Variants in MCU observed in about 807,000 individuals in gnomAD.
The protein encoded by MCU is calcium uniporter protein, mitochondrial.
A neutral mutation model predicts 45.2 loss-of-function variants in MCU; 12 were observed. The ratio of observed to expected loss-of-function variants is 0.27; its 90% CI spans 0.17 to 0.43. The LOEUF is 0.43. Among genes scored for constraint, MCU ranks in the 20% least tolerant of loss-of-function variants. MCU has a pLI of 1.00. For synonymous variants in MCU, 160 were observed against 165.1 expected (o/e 0.97, Z 0.24); for missense variants, 324 against 436.7 (o/e 0.74, Z 2.30).
chr10:72,829,043 G>A (rs541430794), intron 1 of MCU, among the ~76,000 whole-genome samples: 77 of 152,262 alleles, frequency 5.1e-4, no homozygotes, highest in African/African-American at 1.8e-3. Flanking sequence ...TAGGGAGGCC[G>A]GGCGCCTTGG....
intron 1 of MCU, among the ~76,000 whole-genome samples, chr10:72,712,121 CTA>C (rs1243497967): frequency 6.6e-6 from 1 of 152,044 alleles, no homozygotes; most frequent in Non-Finnish European, 1.5e-5. Flanking sequence ...GTTTCTGTCT[CTA>C]TTTCATATAT....
At chr10:72,763,890 G>A (rs993488051) in intron 1 of MCU, among the ~76,000 whole-genome samples, 1 of 152,038 alleles carries the variant, frequency 6.6e-6, no homozygotes, top group Non-Finnish European at 1.5e-5. Flanking sequence ...GAGGTGTAAG[G>A]TAATATTAAT....
chr10:72,887,334 C>T lies in MCU; in HGVS notation c.*1512C>T, dbSNP rs1426811774. 1 of 152,792 alleles carries T rather than the reference C, an allele frequency of 6.5e-6. No individual in the cohort carries two copies. Among genetic ancestry groups the T allele is most frequent in the Non-Finnish European group, 1.5e-5 (1 of 68,058 alleles). The allele number at this position is 152,792 out of a possible 1,614,324, so 9.5% of individuals were successfully genotyped here. A position where few individuals can be genotyped will look rare whatever the true frequency, so the allele number is the denominator to read the frequency against. ...GCTGCTGCTACTCCTGCCAACACCC[C>T]TTTCATTGGCATGACGGAATGAAAG... On this transcript the variant is annotated 3_prime_UTR_variant, in exon 8 of 8. Coordinates refer to ENST00000373053, the MANE Select transcript of MCU (RefSeq NM_138357.3).
chr10:72,726,153 G>A (rs1013034160), intron 1 of MCU, among the ~76,000 whole-genome samples: 1 of 151,934 alleles, frequency 6.6e-6, no homozygotes, highest in Non-Finnish European at 1.5e-5. Context: ...TCCCACCTCA[G>A]CCTCTGGAGT....
At chr10:72,693,203 A>T (rs1842647423) in intron 1 of MCU, 32 of 865,624 alleles carry the variant, frequency 3.7e-5, no homozygotes, top group Non-Finnish European at 4.4e-5. Flanking sequence ...TGTGTGTGAG[A>T]GAGAGAGAGA....
chr10:72,810,040 G>A (rs890696565), intron 1 of MCU, among the ~76,000 whole-genome samples: 10 of 151,740 alleles, frequency 6.6e-5, no homozygotes, highest in Admixed American at 1.3e-4. Context: ...GTGTGCGCGT[G>A]AACATATGTG....
chr10:72,853,715 A>G (rs1199521245), intron 2 of MCU, among the ~76,000 whole-genome samples: 14 of 152,198 alleles, frequency 9.2e-5, no homozygotes, highest in Admixed American at 7.9e-4. Flanking sequence ...TAAAAGGAAA[A>G]TGTTGAAAAG....
At chr10:72,763,601 G>A (rs1190330793) in intron 1 of MCU, among the ~76,000 whole-genome samples, 2 of 152,128 alleles carry the variant, frequency 1.3e-5, no homozygotes, top group African/African-American at 2.4e-5. Flanking sequence ...GTTTGATTAT[G>A]GTGGGACTTT....
Position 72,733,828 on chromosome 10 carries a change from T to G in MCU, c.150+41527T>G, listed in dbSNP as rs1589436865. Reference sequence around the variant, plus strand: ...ATAAAGTAAACCTGGGCCTGCTTTTTTTGTTTGTTTGTTTTAAAGAATTAA... The same window carrying G: ...ATAAAGTAAACCTGGGCCTGCTTTTGTTGTTTGTTTGTTTTAAAGAATTAA... On this transcript the variant is annotated intron_variant, in intron 1 of 7. Transcript: ENST00000373053. Among the ~76,000 whole-genome samples, 4 of 151,818 alleles carry G rather than the reference T, an allele frequency of 2.6e-5. 1 individual carries two copies. In the South Asian group the frequency reaches 8.3e-4, roughly 32 times the overall value.
chr10:72,703,126 G>T (rs1007109850), intron 1 of MCU, among the ~76,000 whole-genome samples: 9 of 152,210 alleles, frequency 5.9e-5, no homozygotes, highest in Non-Finnish European at 1.2e-4. Context: ...TGTTACAACT[G>T]GAGTATGCGC....
chr10:72,861,999 T>G (rs926193431), intron 4 of MCU, among the ~76,000 whole-genome samples: 1 of 149,642 alleles, frequency 6.7e-6, no homozygotes, highest in Non-Finnish European at 1.5e-5. Context: ...TTTTTTTTTT[T>G]GAGACTGAGT....
At chr10:72,794,348 C>T (rs943131930) in intron 1 of MCU, among the ~76,000 whole-genome samples, 4 of 152,166 alleles carry the variant, frequency 2.6e-5, no homozygotes, top group Non-Finnish European at 5.9e-5. Context: ...TGAATGTTAG[C>T]AGTTCTGGAA....
chr10:72,814,409 C>T (rs185926303), intron 1 of MCU, among the ~76,000 whole-genome samples: 2 of 151,950 alleles, frequency 1.3e-5, no homozygotes, highest in East Asian at 1.9e-4. Context: ...ATCTTTCATT[C>T]CCTGGTGCAT....
intron 6 of MCU, among the ~76,000 whole-genome samples, chr10:72,880,922 G>C (rs1460601452): frequency 6.6e-6 from 1 of 151,888 alleles, no homozygotes; most frequent in Non-Finnish European, 1.5e-5. Flanking sequence ...GAGGCCAGGG[G>C]TTCATGACCA....
At chr10:72,850,099 G>A (rs1845185001) in intron 2 of MCU, among the ~76,000 whole-genome samples, 1 of 152,002 alleles carries the variant, frequency 6.6e-6, no homozygotes, top group African/African-American at 2.4e-5. Flanking sequence ...ATTTTTAGTA[G>A]AGATGGAGTT....
intron 1 of MCU, among the ~76,000 whole-genome samples, chr10:72,793,520 C>G (rs948923948): frequency 6.6e-6 from 1 of 152,004 alleles, no homozygotes; most frequent in African/African-American, 2.4e-5. Flanking sequence ...GAATTAGTAT[C>G]AAAAACAACA....
intron 6 of MCU, among the ~76,000 whole-genome samples, chr10:72,881,332 A>T (rs1845697704): frequency 6.6e-6 from 1 of 152,178 alleles, no homozygotes; most frequent in African/African-American, 2.4e-5. Flanking sequence ...GAATATCTTA[A>T]TGACTGTAGA....
chr10:72,728,370 T>C (rs948025311), intron 1 of MCU, among the ~76,000 whole-genome samples: 5 of 152,204 alleles, frequency 3.3e-5, no homozygotes, highest in African/African-American at 4.8e-5. Flanking sequence ...AGGTACTGAA[T>C]AGTTAACTAG....
At chr10:72,737,845 C>T (rs909638588) in intron 1 of MCU, among the ~76,000 whole-genome samples, 3 of 152,020 alleles carry the variant, frequency 2.0e-5, no homozygotes, top group African/African-American at 7.2e-5. Flanking sequence ...TGTTTCTTAC[C>T]TTTGACTTGA....
Sources: gnomAD v4.1 joint callset for allele counts (sites outside exome capture counted in the v4.1 genomes callset) on GRCh38, gnomAD v4.1.1 for gene constraint, MANE v1.5 for transcripts, NCBI Gene and HGNC (gene_info 2026-07-23, HGNC 2026-07-21) for gene names.